The following DPP10 variants were observed in gnomAD, a reference collection of about 807,000 sequenced individuals.
DPP10 encodes dipeptidyl peptidase like 10, also known as inactive dipeptidyl peptidase 10.
Under a neutral mutation model 120.9 loss-of-function variants are expected in DPP10, and 33 were observed. The observed-to-expected ratio is 0.27, with a 90% CI of 0.21 to 0.37. The LOEUF (loss-of-function observed/expected upper bound fraction) is 0.37. Among genes scored for constraint, DPP10 ranks in the 10% least tolerant of loss-of-function variants. The pLI is 1.00. For synonymous variants in DPP10, 337 were observed against 326.1 expected (o/e 1.03, Z -0.36); for missense variants, 816 against 942.8 (o/e 0.87, Z 1.76).
intron 3 of DPP10, among the ~76,000 whole-genome samples, chr2:115,362,039 T>A (rs2064810414): frequency 1.3e-5 from 2 of 152,128 alleles, no homozygotes; most frequent in East Asian, 3.9e-4. Context: ...GTATGTTTTG[T>A]GTGTATATTT....
intron 1 of DPP10, among the ~76,000 whole-genome samples, chr2:115,215,123 G>A (rs1017501122): frequency 6.6e-6 from 1 of 152,094 alleles, no homozygotes; most frequent in African/African-American, 2.4e-5. Context: ...CTGTTTGGTG[G>A]GTATTTTCAA....
At chr2:115,724,935 C>T (rs568330870) in intron 7 of DPP10, among the ~76,000 whole-genome samples, 4 of 152,072 alleles carry the variant, frequency 2.6e-5, no homozygotes, top group Admixed American at 6.6e-5. Flanking sequence ...AGATCTCACA[C>T]GAACCCACTC....
intron 1 of DPP10, among the ~76,000 whole-genome samples, chr2:114,841,579 T>C (rs574458208): frequency 1.7e-4 from 26 of 152,182 alleles, no homozygotes; most frequent in Non-Finnish European, 3.1e-4. Flanking sequence ...TCCAGCCAAG[T>C]TATGGATTAG....
At chr2:115,744,147 A>G (rs1377067879) in intron 9 of DPP10, among the ~76,000 whole-genome samples, 2 of 150,618 alleles carry the variant, frequency 1.3e-5, no homozygotes, top group Non-Finnish European at 2.9e-5. Context: ...TCTAATTCCA[A>G]GTCTGAATAT....
chr2:114,592,746 A>G (rs1691566137), intron 1 of DPP10, among the ~76,000 whole-genome samples: 1 of 152,192 alleles, frequency 6.6e-6, no homozygotes, highest in African/African-American at 2.4e-5. Flanking sequence ...CAACAATGAG[A>G]TATTCTTATA....
chr2:115,056,531 T>C (rs539802040), intron 1 of DPP10, among the ~76,000 whole-genome samples: 2 of 152,286 alleles, frequency 1.3e-5, no homozygotes, highest in South Asian at 4.1e-4. Flanking sequence ...TGCTATTTTT[T>C]TGTTTTTTTC....
Position 114,963,815 on chromosome 2 carries a change from G to A in DPP10, c.61-345424G>A, listed in dbSNP as rs550272618. 3.3e-5 allele frequency among the ~76,000 whole-genome samples: 5 copies of A among 152,266 alleles called. No individual in the cohort carries two copies. In the East Asian group the frequency reaches 9.6e-4, roughly 29 times the overall value. On this transcript the variant is annotated intron_variant, in intron 1 of 25. Transcript: ENST00000410059. The stretch of plus-strand genomic sequence containing the variant: ...GATCAAATCCTGGTGACCAAGAAAA[G>A]CCCAATAGCTAGATAAGAAGTGAAG...
intron 1 of DPP10, among the ~76,000 whole-genome samples, chr2:114,799,969 A>G (rs1181213903): frequency 1.3e-5 from 2 of 152,234 alleles, no homozygotes; most frequent in Non-Finnish European, 2.9e-5. Flanking sequence ...AAAACCTTGA[A>G]TATGAGGAAT....
intron 1 of DPP10, among the ~76,000 whole-genome samples, chr2:114,886,546 TG>T (rs1692086700): frequency 6.6e-6 from 1 of 152,214 alleles, no homozygotes; most frequent in African/African-American, 2.4e-5. Context: ...CTATGGTATT[TG>T]GGGGTGGAAA....
At chr2:115,431,609 C>T (rs2104777890) in intron 3 of DPP10, among the ~76,000 whole-genome samples, 1 of 152,246 alleles carries the variant, frequency 6.6e-6, no homozygotes, top group East Asian at 1.9e-4. Context: ...AAAAGAATTT[C>T]TCACATCTCC....
In DPP10 at chr2:115,223,891, A is replaced by AT. The variant is rs549737849; in HGVS notation, c.61-85347dup. 4.0e-4 allele frequency among the ~76,000 whole-genome samples: 61 copies of AT among 152,316 alleles called. 1 individual carries two copies. In the South Asian group the frequency reaches 6.4e-3, roughly 16 times the overall value. On this transcript the variant is annotated intron_variant, in intron 1 of 25. Transcript: ENST00000410059. ...CCAACACGTCTTGTTTTAATAAATC[A>AT]TGATATATCAATACTTTGGAACATT...
chr2:115,521,051 G>C (rs1369750644), intron 4 of DPP10, among the ~76,000 whole-genome samples: 1 of 152,198 alleles, frequency 6.6e-6, no homozygotes, highest in East Asian at 1.9e-4. Context: ...GAAGGACAGG[G>C]AAGGCTTAAA....
chr2:115,115,245 C>G (rs2049441530), intron 1 of DPP10, among the ~76,000 whole-genome samples: 1 of 152,108 alleles, frequency 6.6e-6, no homozygotes, highest in South Asian at 2.1e-4. Context: ...GAGTAAATGA[C>G]TGAGCTCTGG....
intron 19 of DPP10, among the ~76,000 whole-genome samples, chr2:115,803,734 T>C (rs1685556849): frequency 6.6e-6 from 1 of 152,214 alleles, no homozygotes; most frequent in African/African-American, 2.4e-5. Flanking sequence ...AAAATGCTTT[T>C]CTTTAAGAAT....
At chr2:115,115,892 G>A (rs981236892) in intron 1 of DPP10, among the ~76,000 whole-genome samples, 2 of 152,102 alleles carry the variant, frequency 1.3e-5, no homozygotes, top group African/African-American at 4.8e-5. Flanking sequence ...TTCAGGGATC[G>A]CAAAGTACTT....
At chr2:115,367,471 G>A (rs1255051971) in intron 3 of DPP10, among the ~76,000 whole-genome samples, 1 of 151,996 alleles carries the variant, frequency 6.6e-6, no homozygotes, top group Non-Finnish European at 1.5e-5. Context: ...TGGAGAGCAT[G>A]TGACAAATAC....
intron 3 of DPP10, among the ~76,000 whole-genome samples, chr2:115,385,488 T>C (rs1183914339): frequency 6.6e-6 from 1 of 152,058 alleles, no homozygotes; most frequent in Non-Finnish European, 1.5e-5. Context: ...CCTGAGTAGC[T>C]GGGATTACAG....
chr2:114,519,732 C>G (rs539377984), intron 1 of DPP10, among the ~76,000 whole-genome samples: 1 of 152,214 alleles, frequency 6.6e-6, no homozygotes, highest in African/African-American at 2.4e-5. Flanking sequence ...GGAGCATCAT[C>G]CACTTTTAAT....
At chr2:114,927,730 G>C (rs1162393719) in intron 1 of DPP10, among the ~76,000 whole-genome samples, 1 of 152,174 alleles carries the variant, frequency 6.6e-6, no homozygotes, top group Admixed American at 6.5e-5. Context: ...AGGAGTATCT[G>C]AAGTTGGGTA....
Sources: gnomAD v4.1 joint callset for allele counts (sites outside exome capture counted in the v4.1 genomes callset) on GRCh38, gnomAD v4.1.1 for gene constraint, MANE v1.5 for transcripts, NCBI Gene and HGNC (gene_info 2026-07-23, HGNC 2026-07-21) for gene names.